The following ARHGAP18 variants were observed in gnomAD, a reference collection of about 807,000 sequenced individuals.
ARHGAP18 encodes rho GTPase-activating protein 18.
Under a neutral mutation model 86.2 loss-of-function variants are expected in ARHGAP18, and 67 were observed. That is an observed-to-expected ratio of 0.78 (90% CI 0.64 to 0.95). The LOEUF (loss-of-function observed/expected upper bound fraction) is 0.95. Among genes scored for constraint, ARHGAP18 ranks in the 40% least tolerant of loss-of-function variants. ARHGAP18 has a pLI of 0.00. For synonymous variants in ARHGAP18, 283 were observed against 280.4 expected (o/e 1.01, Z -0.09); for missense variants, 691 against 780.4 (o/e 0.89, Z 1.37).
chr6:129,653,008 TA>T (rs79153671), intron 1 of ARHGAP18, among the ~76,000 whole-genome samples: 3 of 151,776 alleles, frequency 2.0e-5, no homozygotes, highest in African/African-American at 7.2e-5. Context: ...ATGGTGAATT[TA>T]AAAAAAAATC....
At chr6:129,658,569 G>C (rs1251864711) in intron 1 of ARHGAP18, among the ~76,000 whole-genome samples, 1 of 152,172 alleles carries the variant, frequency 6.6e-6, no homozygotes, top group African/African-American at 2.4e-5. Context: ...CAGGGTTGAG[G>C]ATGCAGACAA....
At chr6:129,704,472 C>T (rs1335841677) in intron 1 of ARHGAP18, among the ~76,000 whole-genome samples, 1 of 152,060 alleles carries the variant, frequency 6.6e-6, no homozygotes, top group African/African-American at 2.4e-5. Context: ...CAAAAAAAAA[C>T]TGAGCTTCAT....
At chr6:129,668,359 T>TCAC (rs1774079517) in intron 1 of ARHGAP18, among the ~76,000 whole-genome samples, 1 of 79,720 alleles carries the variant, frequency 1.3e-5, no homozygotes, top group Non-Finnish European at 2.6e-5. Flanking sequence ...TTTACCCAAA[T>TCAC]AATCACACAC....
rs370262467 is a variant in ARHGAP18, at chr6:129,607,957, G to C, written c.1218C>G (p.Phe406Leu). ...QHDAASLLKL[F>L]IRELPQPLLS... ...GCAGTGGCTGGGGCAACTCCCGAAT[G>C]AAGAGCTTCAGCAGGCTGGCGGCAT... Residue 406 changes from phenylalanine (F) to leucine (L), a missense_variant, in exon 9 of 15, where the codon TTC becomes TTG. Phe to Leu is a conservative substitution (Grantham distance 22). Transcript: ENST00000368149. 1.9e-6 allele frequency: 3 copies of C among 1,609,966 alleles called. No homozygotes were observed. The South Asian group carries it at 3.3e-5, about 18-fold the overall frequency.
intron 10 of ARHGAP18, among the ~76,000 whole-genome samples, chr6:129,603,403 T>C (rs896090470): frequency 1.3e-5 from 2 of 152,116 alleles, no homozygotes; most frequent in African/African-American, 4.8e-5. Context: ...TCACATTTTC[T>C]TTATACACTC....
At chr6:129,626,479 T>C (rs1269125135) in intron 5 of ARHGAP18, among the ~76,000 whole-genome samples, 1 of 152,114 alleles carries the variant, frequency 6.6e-6, no homozygotes, top group Non-Finnish European at 1.5e-5. Flanking sequence ...GTATTTTACA[T>C]ACTTATAAGC....
At chr6:129,640,910 G>A (rs1773444176) in intron 2 of ARHGAP18, among the ~76,000 whole-genome samples, 1 of 152,146 alleles carries the variant, frequency 6.6e-6, no homozygotes. Context: ...GCAACTGCTT[G>A]AATTTCAGAG....
At chr6:129,651,419 A>T (rs1403491748) in intron 1 of ARHGAP18, among the ~76,000 whole-genome samples, 1 of 152,128 alleles carries the variant, frequency 6.6e-6, no homozygotes, top group Non-Finnish European at 1.5e-5. Context: ...TCCATTCATC[A>T]CTTTAATCTT....
chr6:129,662,780 G>A (rs2114520567), intron 1 of ARHGAP18, among the ~76,000 whole-genome samples: 1 of 152,312 alleles, frequency 6.6e-6, no homozygotes, highest in East Asian at 1.9e-4. Flanking sequence ...AGGCTAAACT[G>A]AATGTGTAAG....
intron 1 of ARHGAP18, among the ~76,000 whole-genome samples, chr6:129,676,582 T>C (rs961130483): frequency 6.6e-6 from 1 of 152,218 alleles, no homozygotes; most frequent in African/African-American, 2.4e-5. Context: ...TGGAGCTTAA[T>C]ATTATACCCC....
At chr6:129,671,843 T>A (rs991996771) in intron 1 of ARHGAP18, among the ~76,000 whole-genome samples, 6 of 152,176 alleles carry the variant, frequency 3.9e-5, no homozygotes, top group Non-Finnish European at 8.8e-5. Flanking sequence ...TGTCCTGAAA[T>A]TGTAGAATGT....
chr6:129,613,232 CA>C (rs71028167), intron 7 of ARHGAP18, among the ~76,000 whole-genome samples: 15,874 of 93,926 alleles, frequency 0.17, 639 homozygotes, highest in Middle Eastern at 0.23. Context: ...GACTCTGTCT[CA>C]AAAAAAAAAA....
chr6:129,611,166 T>C (rs372344717), intron 8 of ARHGAP18, among the ~76,000 whole-genome samples: 17 of 152,188 alleles, frequency 1.1e-4, no homozygotes, highest in African/African-American at 4.1e-4. Flanking sequence ...CCTCCCAAAG[T>C]GCTAGGATTA....
intron 3 of ARHGAP18, among the ~76,000 whole-genome samples, chr6:129,634,333 A>C (rs994738382): frequency 7.2e-5 from 11 of 152,224 alleles, no homozygotes; most frequent in African/African-American, 2.2e-4. Flanking sequence ...GGAAATATTA[A>C]AAAAGTCACG....
intron 1 of ARHGAP18, among the ~76,000 whole-genome samples, chr6:129,684,202 A>G (rs1257033132): frequency 2.0e-5 from 3 of 152,260 alleles, no homozygotes; most frequent in Non-Finnish European, 4.4e-5. Flanking sequence ...GAAATGATGC[A>G]TGCGATAGCT....
At chr6:129,683,057 TTTTTTTTTTTTG>T (rs1466125527) in intron 1 of ARHGAP18, among the ~76,000 whole-genome samples, 31 of 42,138 alleles carry the variant, frequency 7.4e-4, no homozygotes, top group African/African-American at 1.6e-3. Flanking sequence ...TGTTTTTTCT[TTTTTTTTTTTTG>T]TTTTTTTTTT....
intron 1 of ARHGAP18, among the ~76,000 whole-genome samples, chr6:129,661,372 TAA>T (rs1430218764): frequency 1.3e-5 from 2 of 151,036 alleles, no homozygotes; most frequent in African/African-American, 4.9e-5. Context: ...TAATAATTTG[TAA>T]AAAAGTTAAT....
At chr6:129,605,523 T>G (rs928197903) in intron 10 of ARHGAP18, among the ~76,000 whole-genome samples, 1 of 152,094 alleles carries the variant, frequency 6.6e-6, no homozygotes, top group Admixed American at 6.6e-5. Context: ...ATATTTTACC[T>G]TACTGCTACC....
intron 4 of ARHGAP18, among the ~76,000 whole-genome samples, chr6:129,630,331 A>T (rs1323670248): frequency 6.6e-6 from 1 of 152,178 alleles, no homozygotes; most frequent in African/African-American, 2.4e-5. Flanking sequence ...GATACTTCTA[A>T]ATTTGATTAT....
Sources: allele counts gnomAD v4.1 joint callset (sites outside exome capture counted in the v4.1 genomes callset), GRCh38; gene constraint gnomAD v4.1.1; transcripts MANE v1.5; gene names NCBI Gene and HGNC (gene_info 2026-07-23, HGNC 2026-07-21).